CCSER1: variants seen among roughly 807,000 people sequenced by gnomAD.
CCSER1 encodes the protein coiled-coil serine rich protein 1, also known as serine-rich coiled-coil domain-containing protein 1.
A neutral mutation model predicts 82.0 loss-of-function variants in CCSER1; 41 were observed. The ratio of observed to expected loss-of-function variants is 0.50; its 90% CI spans 0.39 to 0.65. The LOEUF (loss-of-function observed/expected upper bound fraction) is 0.65. Among genes scored for constraint, CCSER1 ranks in the 30% least tolerant of loss-of-function variants. CCSER1 has a pLI of 0.00. For missense variants in CCSER1, 1,119 were observed against 1,064.2 expected (o/e 1.05, Z -0.72); for synonymous variants, 414 against 383.9 (o/e 1.08, Z -0.92).
chr4:90,329,901 T>G (rs1738961449), intron 3 of CCSER1, among the ~76,000 whole-genome samples: 1 of 152,158 alleles, frequency 6.6e-6, no homozygotes, highest in Non-Finnish European at 1.5e-5. Context: ...GACATTTATG[T>G]GACTACTTAT....
chr4:91,079,277 C>G (rs1561529160), intron 9 of CCSER1, among the ~76,000 whole-genome samples: 1 of 152,166 alleles, frequency 6.6e-6, no homozygotes, highest in Non-Finnish European at 1.5e-5. Flanking sequence ...ATTCAACATT[C>G]TTAAAGAAAA....
chr4:90,671,598 A>G (rs1732814034), intron 6 of CCSER1, among the ~76,000 whole-genome samples: 1 of 152,010 alleles, frequency 6.6e-6, no homozygotes, highest in South Asian at 2.1e-4. Flanking sequence ...AAGTCTTTGA[A>G]GTCTTGAACC....
At chr4:90,321,855 A>C (rs1479144232) in intron 3 of CCSER1, among the ~76,000 whole-genome samples, 1 of 151,852 alleles carries the variant, frequency 6.6e-6, no homozygotes, top group East Asian at 1.9e-4. Flanking sequence ...TATCTTTTCT[A>C]TTGAGTTGTG....
intron 5 of CCSER1, among the ~76,000 whole-genome samples, chr4:90,574,419 C>T (rs934620704): frequency 2.0e-5 from 3 of 150,998 alleles, no homozygotes; most frequent in Non-Finnish European, 4.4e-5. Flanking sequence ...CAGGCGCCCG[C>T]CACCGCGCCC....
intron 9 of CCSER1, among the ~76,000 whole-genome samples, chr4:91,079,275 T>A (rs1722407501): frequency 1.3e-5 from 2 of 152,314 alleles, no homozygotes; most frequent in Middle Eastern, 3.4e-3. Flanking sequence ...ATATTCAACA[T>A]TCTTAAAGAA....
At chr4:91,435,906 C>T (rs1462841752) in intron 10 of CCSER1, among the ~76,000 whole-genome samples, 1 of 152,124 alleles carries the variant, frequency 6.6e-6, no homozygotes, top group East Asian at 1.9e-4. Context: ...TATGTGATTA[C>T]AACTGGAACG....
At chr4:90,454,688 A>T (rs542677589) in intron 4 of CCSER1, among the ~76,000 whole-genome samples, 3 of 152,082 alleles carry the variant, frequency 2.0e-5, no homozygotes, top group Admixed American at 6.5e-5. Flanking sequence ...CCCCCAAATT[A>T]TCTGCTGCTT....
chr4:90,812,990 G>A (rs566949131), intron 7 of CCSER1, among the ~76,000 whole-genome samples: 3 of 152,102 alleles, frequency 2.0e-5, no homozygotes, highest in South Asian at 4.2e-4. Flanking sequence ...TCTGTCCCTG[G>A]CCCCTCCCAA....
intron 5 of CCSER1, among the ~76,000 whole-genome samples, chr4:90,545,021 C>T (rs1776592479): frequency 6.6e-6 from 1 of 150,794 alleles, no homozygotes; most frequent in African/African-American, 2.4e-5. Context: ...TGTGTAGATT[C>T]ATGGAGAAAA....
chr4:90,724,712 G>T (rs928462669), intron 7 of CCSER1: 39 of 347,866 alleles, frequency 1.1e-4, no homozygotes, highest in African/African-American at 8.5e-4. Context: ...ACGTTGGGAT[G>T]ATGTACTTAA....
At chr4:91,245,113 A>G (rs1739659049) in intron 10 of CCSER1, among the ~76,000 whole-genome samples, 1 of 152,106 alleles carries the variant, frequency 6.6e-6, no homozygotes, top group Non-Finnish European at 1.5e-5. Context: ...AGAAAAAAGA[A>G]TAGAAAACAA....
At chr4:91,519,470 C>T (rs758154529) in intron 10 of CCSER1, among the ~76,000 whole-genome samples, 3 of 152,208 alleles carry the variant, frequency 2.0e-5, no homozygotes, top group East Asian at 1.9e-4. Context: ...AATCACTGCT[C>T]AGGTTCCTGG....
Position 91,227,869 on chromosome 4 carries a change from T to C in CCSER1, c.2217+141875T>C, listed in dbSNP as rs559898984. ...TTTGTCAGTTTTGAGAAAAAATATC[T>C]CAATTGCCTCTGTGTCAAAAAGTGC... is the stretch of plus-strand genomic sequence containing the variant. On this transcript the variant is annotated intron_variant, in intron 10 of 10. Coordinates refer to ENST00000509176, the MANE Select transcript of CCSER1 (RefSeq NM_001145065.2). 5.9e-5 allele frequency among the ~76,000 whole-genome samples: 9 copies of C among 152,142 alleles called. No homozygotes were observed. In the East Asian group the frequency reaches 1.3e-3, roughly 23 times the overall value.
intron 9 of CCSER1, among the ~76,000 whole-genome samples, chr4:91,003,199 A>G (rs1327130087): frequency 2.6e-5 from 4 of 152,090 alleles, no homozygotes; most frequent in African/African-American, 9.7e-5. Flanking sequence ...TTGGTTGCTT[A>G]AGGTATTATT....
chr4:90,731,695 A>T (rs1215847297), intron 7 of CCSER1, among the ~76,000 whole-genome samples: 1 of 152,170 alleles, frequency 6.6e-6, no homozygotes, highest in Non-Finnish European at 1.5e-5. Context: ...ATGGGAATAA[A>T]TTTTAAGAGG....
intron 1 of CCSER1, among the ~76,000 whole-genome samples, chr4:90,181,878 A>C (rs1368183489): frequency 6.6e-6 from 1 of 152,110 alleles, no homozygotes; most frequent in Non-Finnish European, 1.5e-5. Flanking sequence ...AGAGTGTGAG[A>C]CAGCCACAGC....
chr4:91,532,109 A>G (rs1166106377), intron 10 of CCSER1, among the ~76,000 whole-genome samples: 1 of 152,246 alleles, frequency 6.6e-6, no homozygotes, highest in Non-Finnish European at 1.5e-5. Flanking sequence ...ACGAAAATGA[A>G]TAAACCAACT....
At chr4:90,917,306 A>G (rs1397492603) in intron 8 of CCSER1, among the ~76,000 whole-genome samples, 2 of 152,216 alleles carry the variant, frequency 1.3e-5, no homozygotes, top group African/African-American at 2.4e-5. Flanking sequence ...AAAATGTGGC[A>G]CATATACACC....
Position 90,854,529 on chromosome 4 carries a change from G to A in CCSER1, c.2094+38684G>A, listed in dbSNP as rs537702765. On this transcript the variant is annotated intron_variant, in intron 8 of 10. Transcript: ENST00000509176. ...TGCTTTCAGGAAATGATTTTTTAAT[G>A]TCTACTACAAATTGTTTCGGCTAAG... Among the ~76,000 whole-genome samples the A allele has an allele frequency of 2.1e-3, 324 of 152,156 alleles. 20 individuals carry two copies. The South Asian group carries it at 0.065, about 31-fold the overall frequency.
Sources: allele counts gnomAD v4.1 joint callset (sites outside exome capture counted in the v4.1 genomes callset), GRCh38; gene constraint gnomAD v4.1.1; transcripts MANE v1.5; gene names NCBI Gene and HGNC (gene_info 2026-07-23, HGNC 2026-07-21).